Variants in CHSY3 observed in about 807,000 individuals in gnomAD.
CHSY3 encodes chondroitin sulfate synthase 3, also known as N-acetylgalactosaminyl-proteoglycan 3-beta-glucuronosyltransferase 3.
In CHSY3, 35 loss-of-function variants were observed where a neutral mutation model predicts 67.2. The ratio of observed to expected loss-of-function variants is 0.52; its 90% CI spans 0.40 to 0.69. The LOEUF is 0.69. CHSY3 is among the 30% of genes least tolerant of loss of function. CHSY3 has a pLI of 0.00. For synonymous variants in CHSY3, 474 were observed against 434.7 expected (o/e 1.09, Z -1.12); for missense variants, 1,069 against 1,138.5 (o/e 0.94, Z 0.88).
chr5:129,991,802 G>A (rs1763375672), intron 2 of CHSY3, among the ~76,000 whole-genome samples: 1 of 152,078 alleles, frequency 6.6e-6, no homozygotes, highest in Non-Finnish European at 1.5e-5. Flanking sequence ...TTGAGATTGG[G>A]AATCAGGGAA....
intron 2 of CHSY3, among the ~76,000 whole-genome samples, chr5:130,113,822 C>T (rs535291738): frequency 6.6e-6 from 1 of 152,252 alleles, no homozygotes; most frequent in South Asian, 2.1e-4. Context: ...CAAAAATATG[C>T]TCCATCCAAA....
At chr5:130,078,088 A>T (rs1766331221) in intron 2 of CHSY3, among the ~76,000 whole-genome samples, 1 of 152,052 alleles carries the variant, frequency 6.6e-6, no homozygotes, top group South Asian at 2.1e-4. Flanking sequence ...AGATTTGGAG[A>T]GTTAAAATAA....
intron 2 of CHSY3, among the ~76,000 whole-genome samples, chr5:130,075,185 C>T (rs1766211021): frequency 2.0e-5 from 3 of 152,100 alleles, no homozygotes; most frequent in African/African-American, 7.2e-5. Flanking sequence ...GAGAGGGGTA[C>T]ATCCAACTCA....
chr5:130,140,466 T>G, intron 2 of CHSY3: 5 of 1,132,090 alleles, frequency 4.4e-6, no homozygotes, highest in South Asian at 3.5e-5. Context: ...CAGTGCCAGC[T>G]TACTTTAATG....
At chr5:129,962,807 T>A (rs1270967116) in intron 2 of CHSY3, among the ~76,000 whole-genome samples, 1 of 151,968 alleles carries the variant, frequency 6.6e-6, no homozygotes, top group African/African-American at 2.4e-5. Flanking sequence ...TGCATTCAAA[T>A]GATAACTCCA....
chr5:130,130,336 C>T (rs74650236), intron 2 of CHSY3, among the ~76,000 whole-genome samples: 6,869 of 152,116 alleles, frequency 0.045, 426 homozygotes, highest in East Asian at 0.27. Context: ...AATTTCTTGC[C>T]ATGTAATCAT....
At position 130,184,450 on chromosome 5, in the gene CHSY3, C is replaced by T; in HGVS notation, c.1308C>T (p.Asn436=). The T allele has an allele frequency of 6.2e-7, 1 of 1,613,296 alleles. No individual in the cohort carries two copies. Among genetic ancestry groups the T allele is most frequent in the Non-Finnish European group, 8.5e-7 (1 of 1,179,244 alleles). The change falls in exon 3 of 3, where the codon AAC becomes AAT. Residue 436 remains asparagine (N), a synonymous_variant. Coordinates refer to ENST00000305031, the MANE Select transcript of CHSY3 (RefSeq NM_175856.5). Reference sequence around the variant, plus strand: ...GTGCCCTGATGAGCAAGCTCAGTAACACAGAAGTGAGCAAAGAGGACCAGC... The same window carrying T: ...GTGCCCTGATGAGCAAGCTCAGTAATACAGAAGTGAGCAAAGAGGACCAGC... ...RESALMSKLS[N]TEVSKEDQQL...
chr5:129,997,531 A>C (rs184877086), intron 2 of CHSY3, among the ~76,000 whole-genome samples: 2 of 152,142 alleles, frequency 1.3e-5, no homozygotes, highest in Admixed American at 1.3e-4. Context: ...TTAATACTTT[A>C]AGTTCTAGGG....
intron 2 of CHSY3, among the ~76,000 whole-genome samples, chr5:130,075,126 G>A (rs896452006): frequency 1.3e-5 from 2 of 152,044 alleles, no homozygotes; most frequent in African/African-American, 2.4e-5. Context: ...ACAGAGAAGG[G>A]CCATTGCGGT....
intron 2 of CHSY3, among the ~76,000 whole-genome samples, chr5:129,966,252 T>G (rs576863107): frequency 2.0e-5 from 3 of 152,014 alleles, no homozygotes; most frequent in Admixed American, 2.0e-4. Context: ...CTTTGGCAAC[T>G]ATCCAGTGTC....
chr5:130,141,210 A>T, intron 2 of CHSY3: 1 of 479,732 alleles, frequency 2.1e-6, no homozygotes, highest in Non-Finnish European at 4.1e-6. Flanking sequence ...TTGGATGTCA[A>T]CTCCTCTTTT....
Position 130,185,222 on chromosome 5 carries a change from G to C in CHSY3, c.2080G>C (p.Glu694Gln). ...AATGACCCTGATCCCAATGAAGGGA[G>C]AGTTTTCCAGAGGTCTTGGTCTTGA... is the stretch of plus-strand genomic sequence containing the variant. ...AEMTLIPMKG[E>Q]FSRGLGLEMA... is the part of the protein sequence containing the mutation. Residue 694 changes from glutamate to glutamine, a missense_variant, in exon 3 of 3, where the codon GAG becomes CAG. This residue lies in a region of CHSY3 where 401 missense variants were observed against 395.2 expected (regional missense o/e 1.01). Coordinates refer to ENST00000305031, the MANE Select transcript of CHSY3 (RefSeq NM_175856.5). 6.2e-7 allele frequency: 1 copy of C among 1,607,526 alleles called. No individual in the cohort carries two copies.
Position 129,908,320 on chromosome 5 carries a change from T to C in CHSY3, c.1046T>C (p.Val349Ala), listed in dbSNP as rs189874834. 6.2e-7 allele frequency: 1 copy of C among 1,614,064 alleles called. No individual in the cohort carries two copies. Among genetic ancestry groups the C allele is most frequent in the Non-Finnish European group, 8.5e-7 (1 of 1,179,910 alleles). ...THEDVEVGRC[V>A]RRFGGTQCVW... The stretch of plus-strand genomic sequence containing the variant: ...GAGGATGTGGAAGTAGGAAGATGCG[T>C]TCGCCGTTTTGGTGGGACTCAGTGT... The change falls in exon 2 of 3, where the codon GTT (valine) becomes GCT (alanine). Residue 349 changes from valine to alanine, a missense_variant. By Grantham distance (64) the Val-to-Ala change is moderately conservative (BLOSUM62 0). Coordinates refer to ENST00000305031, the MANE Select transcript of CHSY3 (RefSeq NM_175856.5).
chr5:129,905,498 C>T lies in CHSY3; in HGVS notation c.669C>T (p.Val223=). The T allele has an allele frequency of 6.2e-7, 1 of 1,613,250 alleles. No individual in the cohort carries two copies. The highest frequency in any genetic ancestry group is 1.6e-4 in the Middle Eastern group (1 of 6,062). Reference sequence around the variant, plus strand: ...GCCAGCCCCCGCCACCCCTGCCTGTCATCGCGCTACCGGGTGTGGACGACT... The same window carrying T: ...GCCAGCCCCCGCCACCCCTGCCTGTTATCGCGCTACCGGGTGTGGACGACT... The part of the protein sequence containing the change: ...NAGQPPPPLP[V]IALPGVDDSY... The change falls in exon 1 of 3, where the codon GTC becomes GTT. Residue 223 remains valine, a synonymous_variant. Transcript: ENST00000305031.
At chr5:130,114,226 GA>G (rs1238557848) in intron 2 of CHSY3, among the ~76,000 whole-genome samples, 1 of 152,140 alleles carries the variant, frequency 6.6e-6, no homozygotes, top group Non-Finnish European at 1.5e-5. Flanking sequence ...GAAGTCTGGT[GA>G]GGTTTTCAAC....
Position 129,904,688 on chromosome 5 carries a change from C to T in CHSY3, c.-142C>T. The T allele has an allele frequency of 1.7e-6, 2 of 1,196,824 alleles. No homozygotes were observed. Among genetic ancestry groups the T allele is most frequent in the Non-Finnish European group, 1.0e-6 (1 of 961,172 alleles). 74.1% of individuals were successfully genotyped at this position (1,196,824 alleles called of 1,614,324 possible). A position where few individuals can be genotyped will look rare whatever the true frequency, so the allele number is the denominator to read the frequency against. The stretch of plus-strand genomic sequence containing the variant: ...AGTCGAGGCGTCCGCGGCGCTTCGA[C>T]CTCCAGCCGGTGTCGGCGCCTAGGC... On this transcript the variant is annotated 5_prime_UTR_variant, in exon 1 of 3. Coordinates refer to ENST00000305031, the MANE Select transcript of CHSY3 (RefSeq NM_175856.5).
intron 2 of CHSY3, among the ~76,000 whole-genome samples, chr5:130,143,768 G>T (rs371699438): frequency 3.1e-5 from 2 of 64,968 alleles, no homozygotes; most frequent in Non-Finnish European, 5.9e-5. Context: ...GTGTGTGTGT[G>T]TATATATATA....
intron 2 of CHSY3, among the ~76,000 whole-genome samples, chr5:129,922,066 A>G (rs1473225099): frequency 6.6e-6 from 1 of 152,158 alleles, no homozygotes; most frequent in Non-Finnish European, 1.5e-5. Context: ...TAATTCCCAC[A>G]TGAGTGAGAA....
chr5:130,047,177 T>G (rs1386251190), intron 2 of CHSY3, among the ~76,000 whole-genome samples: 1 of 152,006 alleles, frequency 6.6e-6, no homozygotes, highest in Non-Finnish European at 1.5e-5. Context: ...GCAAAAGTCT[T>G]GGGAAAATAA....
Sources: gnomAD v4.1 joint callset for allele counts (sites outside exome capture counted in the v4.1 genomes callset) on GRCh38, gnomAD v4.1.1 for gene constraint, gnomAD v4.1.1 regional missense constraint, MANE v1.5 for transcripts, NCBI Gene and HGNC (gene_info 2026-07-23, HGNC 2026-07-21) for gene names.